CLVS1: variants seen among roughly 807,000 people sequenced by gnomAD.
CLVS1 encodes the protein clavesin 1.
A neutral mutation model predicts 33.1 loss-of-function variants in CLVS1; 10 were observed. The ratio of observed to expected loss-of-function variants is 0.30; its 90% confidence interval spans 0.19 to 0.51. CLVS1 has a LOEUF of 0.51. Ranked by LOEUF, CLVS1 falls within the 20% of genes least tolerant of loss-of-function variation. The pLI is 0.97. For missense variants in CLVS1, 343 were observed against 433.4 expected (o/e 0.79, Z 1.85); for synonymous variants, 163 against 166.1 (o/e 0.98, Z 0.14).
intron 5 of CLVS1, among the ~76,000 whole-genome samples, 154 bp from the exon 6 acceptor site, chr8:61,499,301 G>C (rs1446915802): frequency 6.6e-6 from 1 of 152,150 alleles, no homozygotes; most frequent in South Asian, 2.1e-4. Flanking sequence ...TCAGCCTCCT[G>C]AATAGCTGGG....
At chr8:61,311,013 C>G (rs1381264910) in intron 2 of CLVS1, among the ~76,000 whole-genome samples, 1 of 152,166 alleles carries the variant, frequency 6.6e-6, no homozygotes, top group Non-Finnish European at 1.5e-5. Context: ...AAATGAGGTA[C>G]TAGAGAAGAA....
At chr8:61,412,252 G>A (rs1399777921) in intron 3 of CLVS1, among the ~76,000 whole-genome samples, 2 of 152,092 alleles carry the variant, frequency 1.3e-5, no homozygotes, top group Non-Finnish European at 2.9e-5. Context: ...TAATAAAAAC[G>A]TTAAATGTTA....
rs147361293 is a variant in CLVS1, at chr8:61,069,762, T to C, written c.-243+12532T>C. ...GACTTCCCCACCACATTCTTGAGGC[T>C]TTCCTTTTTTTCTTTCTTTTTATTT... On this transcript the variant is annotated intron_variant, in intron 1 of 2. Coordinates refer to the CLVS1 transcript ENST00000522621. 1.3e-3 allele frequency among the ~76,000 whole-genome samples: 199 copies of C among 152,280 alleles called. 2 individuals carry two copies. The East Asian group carries it at 0.015, about 11-fold the overall frequency.
the CLVS1 span, among the ~76,000 whole-genome samples, chr8:60,983,785 A>G: frequency 5.9e-5 from 9 of 152,198 alleles, no homozygotes; most frequent in Admixed American, 3.3e-4. Context: ...TGGAAGCACA[A>G]TGACCATGAG....
Position 61,431,620 on chromosome 8 carries a change from T to C in CLVS1, c.631-22521T>C, listed in dbSNP as rs28714370. 6.3e-3 allele frequency among the ~76,000 whole-genome samples: 956 copies of C among 152,304 alleles called. 15 individuals are homozygous for C. Among genetic ancestry groups the C allele is most frequent in the African/African-American group, 0.022 (899 of 41,554 alleles). Reference sequence around the variant, plus strand: ...TAGCGTGTTCTGGCATTTTCTTTTTTTCTTTCATTCTTTTTTATTCTACTT... The same window carrying C: ...TAGCGTGTTCTGGCATTTTCTTTTTCTCTTTCATTCTTTTTTATTCTACTT... On this transcript the variant is annotated intron_variant, in intron 3 of 5. Coordinates refer to ENST00000325897, the MANE Select transcript of CLVS1 (RefSeq NM_173519.3).
At chr8:61,265,682 T>C (rs1809290248) in intron 2 of CLVS1, among the ~76,000 whole-genome samples, 1 of 152,160 alleles carries the variant, frequency 6.6e-6, no homozygotes, top group South Asian at 2.1e-4. Context: ...ATTCCTTCTC[T>C]GTTGAAGTCC....
chr8:61,403,873 A>T (rs1371298831), intron 3 of CLVS1, among the ~76,000 whole-genome samples: 1 of 152,238 alleles, frequency 6.6e-6, no homozygotes, highest in Non-Finnish European at 1.5e-5. Context: ...AGGAAATGGG[A>T]AATGCTGCTT....
chr8:61,358,932 T>C (rs1371962095), intron 2 of CLVS1, among the ~76,000 whole-genome samples: 1 of 152,240 alleles, frequency 6.6e-6, no homozygotes, highest in African/African-American at 2.4e-5. Flanking sequence ...TACGCAGCTA[T>C]CTCAGCATAT....
intron 3 of CLVS1, among the ~76,000 whole-genome samples, chr8:61,445,745 A>C (rs1816738661): frequency 6.6e-6 from 1 of 152,190 alleles, no homozygotes; most frequent in South Asian, 2.1e-4. Context: ...AATTAGTGTT[A>C]ATTCTTCTGT....
At chr8:61,432,230 C>T (rs1816142214) in intron 3 of CLVS1, among the ~76,000 whole-genome samples, 1 of 152,176 alleles carries the variant, frequency 6.6e-6, no homozygotes, top group Non-Finnish European at 1.5e-5. Flanking sequence ...AATTCTTGGA[C>T]TAGACCTCAC....
At chr8:61,065,748 T>C (rs1401697781) in intron 1 of CLVS1, among the ~76,000 whole-genome samples, 5 of 152,264 alleles carry the variant, frequency 3.3e-5, no homozygotes, top group African/African-American at 1.2e-4. Flanking sequence ...GTAAATTCTT[T>C]GGTGTGGAAC....
upstream of CLVS1, among the ~76,000 whole-genome samples, chr8:61,052,752 G>C (rs1026309987): frequency 6.6e-6 from 1 of 152,170 alleles, no homozygotes; most frequent in Non-Finnish European, 1.5e-5. Context: ...TGCTGTGAGA[G>C]TTTCCCTCTG....
intron 2 of CLVS1, among the ~76,000 whole-genome samples, chr8:61,221,690 T>C (rs762363131): frequency 6.6e-6 from 1 of 152,218 alleles, no homozygotes; most frequent in African/African-American, 2.4e-5. Context: ...AGGATGATGC[T>C]GGCTTCATAA....
intron 1 of CLVS1, among the ~76,000 whole-genome samples, chr8:61,116,355 G>T (rs564766719): frequency 5.3e-5 from 8 of 152,272 alleles, no homozygotes; most frequent in African/African-American, 1.4e-4. Flanking sequence ...CTTTTGCTGT[G>T]CAGAAGCTCT....
chr8:61,129,951 G>T (rs889483725), intron 1 of CLVS1, among the ~76,000 whole-genome samples: 1 of 152,100 alleles, frequency 6.6e-6, no homozygotes, highest in Non-Finnish European at 1.5e-5. Flanking sequence ...TGATTCAAGA[G>T]TTAAGGCCAG....
chr8:61,308,921 CAA>C (rs1363961266), intron 2 of CLVS1, among the ~76,000 whole-genome samples: 1 of 152,148 alleles, frequency 6.6e-6, no homozygotes, highest in East Asian at 1.9e-4. Context: ...ACTCAGTTTC[CAA>C]AGTCTTTTTC....
the CLVS1 span, among the ~76,000 whole-genome samples, chr8:61,037,106 G>T: frequency 3.9e-5 from 6 of 152,148 alleles, no homozygotes; most frequent in Admixed American, 1.3e-4. Flanking sequence ...ATTCATTTGC[G>T]TGGTAATTAA....
intron 2 of CLVS1, among the ~76,000 whole-genome samples, chr8:61,182,028 C>G (rs936748766): frequency 2.0e-5 from 3 of 152,038 alleles, no homozygotes; most frequent in Non-Finnish European, 2.9e-5. Flanking sequence ...ACAAACCTGA[C>G]AAAAACAAGC....
At chr8:61,126,492 T>C (rs1261241964) in intron 1 of CLVS1, among the ~76,000 whole-genome samples, 1 of 152,240 alleles carries the variant, frequency 6.6e-6, no homozygotes, top group Non-Finnish European at 1.5e-5. Context: ...ATATACATTA[T>C]TGTTTCACAA....
Sources: gnomAD v4.1 joint callset for allele counts (sites outside exome capture counted in the v4.1 genomes callset) on GRCh38, gnomAD v4.1.1 for gene constraint, MANE v1.5 for transcripts, NCBI Gene and HGNC (gene_info 2026-07-23, HGNC 2026-07-21) for gene names.